The following RIMS1 variants were observed in gnomAD, a reference collection of about 807,000 sequenced individuals.
RIMS1 encodes regulating synaptic membrane exocytosis 1.
RIMS1 carries 83 observed loss-of-function variants against 214.1 expected under a neutral mutation model. That is an observed-to-expected ratio of 0.39 (90% CI 0.32 to 0.47). The LOEUF is 0.47. Ranked by LOEUF, RIMS1 falls within the 20% of genes least tolerant of loss-of-function variation. The pLI, the probability that RIMS1 is intolerant of heterozygous loss-of-function variation, is 0.99. For missense variants in RIMS1, 2,050 were observed against 2,161.8 expected, an observed-to-expected ratio of 0.95 and a Z score of 1.03; for synonymous variants, 793 against 786.8, an observed-to-expected ratio of 1.01 and a Z score of -0.13.
chr6:72,149,398 C>T (rs986288570), intron 4 of RIMS1, among the ~76,000 whole-genome samples: 1 of 152,168 alleles, frequency 6.6e-6, no homozygotes, highest in African/African-American at 2.4e-5. Flanking sequence ...GTCTAGGGGC[C>T]TTAGGACAAC....
In RIMS1 at chr6:72,063,608, C is replaced by T. The variant is rs117957156; in HGVS notation, c.246-33341C>T. Among the ~76,000 whole-genome samples, 344 of 152,224 alleles carry T rather than the reference C, an allele frequency of 2.3e-3. 2 individuals are homozygous for T. The highest frequency in any genetic ancestry group is 0.012 in the South Asian group (57 of 4,822). Reference sequence around the variant, plus strand: ...GGACTGGATAAAGTAGGAAGCAATCCGTGTGGAATAGATCAGAGGAGGGAC... The same window carrying T: ...GGACTGGATAAAGTAGGAAGCAATCTGTGTGGAATAGATCAGAGGAGGGAC... On this transcript the variant is annotated intron_variant, in intron 2 of 33. Coordinates refer to ENST00000521978, the MANE Select transcript of RIMS1 (RefSeq NM_014989.7).
At chr6:71,953,752 C>T (rs1790351992) in intron 1 of RIMS1, among the ~76,000 whole-genome samples, 1 of 152,136 alleles carries the variant, frequency 6.6e-6, no homozygotes, top group East Asian at 1.9e-4. Context: ...ATTCTCAAAC[C>T]ACTTAGGGCT....
At chr6:72,060,126 ATTAT>A (rs1554207377) in intron 2 of RIMS1, among the ~76,000 whole-genome samples, 1 of 151,004 alleles carries the variant, frequency 6.6e-6, no homozygotes, top group Non-Finnish European at 1.5e-5. Flanking sequence ...TATTATTATT[ATTAT>A]TTATTTATTT....
At chr6:72,219,159 C>A (rs1355475406) in intron 6 of RIMS1, among the ~76,000 whole-genome samples, 4 of 152,138 alleles carry the variant, frequency 2.6e-5, no homozygotes, top group African/African-American at 7.2e-5. Flanking sequence ...AAAACAAATG[C>A]TTGCCATTCT....
intron 2 of RIMS1, among the ~76,000 whole-genome samples, chr6:72,028,782 CTT>C: frequency 6.6e-6 from 1 of 152,176 alleles, no homozygotes; most frequent in East Asian, 1.9e-4. Context: ...CATACAGACT[CTT>C]AAAATCATCT....
In RIMS1 at chr6:72,162,632, C is replaced by A. The variant is rs532092635; in HGVS notation, c.472-16943C>A. 2.9e-4 allele frequency among the ~76,000 whole-genome samples: 40 copies of A among 140,320 alleles called. 1 individual carries two copies. Among genetic ancestry groups the A allele is most frequent in the African/African-American group, 9.1e-4 (37 of 40,708 alleles). The allele number at this position is 140,320 out of a possible 152,430, so 92.1% of individuals were successfully genotyped here. On this transcript the variant is annotated intron_variant, in intron 4 of 33. Transcript: ENST00000521978. ...TGCTTGTCTGTAAAGGATTTTATTT[C>A]TCCTTCACTTCTGAAGCTTAGTTTG...
chr6:71,941,125 C>A (rs1031480399), intron 1 of RIMS1, among the ~76,000 whole-genome samples: 1 of 151,464 alleles, frequency 6.6e-6, no homozygotes, highest in Non-Finnish European at 1.5e-5. Context: ...TTTTTTTCAC[C>A]CGGGCATATT....
At chr6:71,933,737 T>C (rs1348499791) in intron 1 of RIMS1, among the ~76,000 whole-genome samples, 2 of 148,202 alleles carry the variant, frequency 1.3e-5, no homozygotes, top group Non-Finnish European at 3.0e-5. Context: ...TAAAATACAA[T>C]ATGAAATTAG....
At chr6:72,187,150 G>T (rs2049251518) in intron 6 of RIMS1, among the ~76,000 whole-genome samples, 1 of 151,938 alleles carries the variant, frequency 6.6e-6, no homozygotes, top group Non-Finnish European at 1.5e-5. Context: ...AGGAGAGGAA[G>T]AGAGGAAGAA....
chr6:72,112,151 C>G (rs1000150092), intron 4 of RIMS1, among the ~76,000 whole-genome samples: 2 of 152,108 alleles, frequency 1.3e-5, no homozygotes, highest in Non-Finnish European at 2.9e-5. Flanking sequence ...TCCTCCTGGC[C>G]TTTCCTCCCC....
intron 2 of RIMS1, among the ~76,000 whole-genome samples, chr6:72,069,159 T>C (rs1830028748): frequency 6.6e-6 from 1 of 152,186 alleles, no homozygotes; most frequent in African/African-American, 2.4e-5. Context: ...ACTTTAATGC[T>C]CTACTGAGTT....
intron 4 of RIMS1, among the ~76,000 whole-genome samples, chr6:72,117,726 GAATGGTAGTAGTAACAC>G (rs2037364109): frequency 2.0e-5 from 3 of 151,894 alleles, no homozygotes; most frequent in Non-Finnish European, 4.4e-5. Flanking sequence ...TCTTTGAAAT[GAATGGTAGTAGTAACAC>G]AACTTATCAA....
chr6:72,271,286 A>AATATATATAT (rs1222564699), intron 22 of RIMS1, among the ~76,000 whole-genome samples: 2,941 of 43,266 alleles, frequency 0.068, 89 homozygotes, highest in Non-Finnish European at 0.091. Context: ...AAAAAAAAAA[A>AATATATATAT]ATATATATAT....
intron 1 of RIMS1, among the ~76,000 whole-genome samples, chr6:71,939,979 A>T (rs1167239858): frequency 6.6e-6 from 1 of 152,136 alleles, no homozygotes; most frequent in East Asian, 1.9e-4. Flanking sequence ...CAAATTAATA[A>T]AGTTCTCTGA....
At chr6:72,110,343 G>C (rs937419252) in intron 4 of RIMS1, among the ~76,000 whole-genome samples, 3 of 152,134 alleles carry the variant, frequency 2.0e-5, no homozygotes, top group Non-Finnish European at 4.4e-5. Context: ...AGCATGGAAT[G>C]TTCTTCCATT....
At chr6:72,216,740 T>C (rs1172587801) in intron 6 of RIMS1, 4 of 986,068 alleles carry the variant, frequency 4.1e-6, no homozygotes, top group Non-Finnish European at 4.8e-6. Flanking sequence ...TCCTGAACAT[T>C]TGCCTGAGTC....
chr6:72,191,523 G>A (rs535034946), intron 6 of RIMS1, among the ~76,000 whole-genome samples: 2 of 152,338 alleles, frequency 1.3e-5, no homozygotes, highest in South Asian at 4.1e-4. Context: ...CCTTGTAGAA[G>A]GGAAAAGCAA....
intron 4 of RIMS1, among the ~76,000 whole-genome samples, chr6:72,161,557 G>A (rs1192775514): frequency 7.1e-6 from 1 of 139,882 alleles, no homozygotes; most frequent in Non-Finnish European, 1.6e-5. Context: ...ACACTGCTTT[G>A]AATGTGTCCC....
chr6:72,064,350 AGG>A (rs1491183068), intron 2 of RIMS1, among the ~76,000 whole-genome samples: 1 of 146,104 alleles, frequency 6.8e-6, no homozygotes, highest in Non-Finnish European at 1.5e-5. Context: ...AGAGAGAGAG[AGG>A]GAAGGAAGGA....
Sources: allele counts gnomAD v4.1 joint callset (sites outside exome capture counted in the v4.1 genomes callset), GRCh38; gene constraint gnomAD v4.1.1; transcripts MANE v1.5; gene names NCBI Gene and HGNC (gene_info 2026-07-23, HGNC 2026-07-21).